The following MLIP variants were observed in gnomAD, a reference collection of about 807,000 sequenced individuals.
MLIP encodes the protein muscular LMNA-interacting protein.
MLIP carries 79 observed loss-of-function variants against 84.8 expected under a neutral mutation model. That is an observed-to-expected ratio of 0.93 (90% CI 0.78 to 1.12). The LOEUF (loss-of-function observed/expected upper bound fraction) is 1.12. MLIP is among the 50% of genes most tolerant of loss of function. The probability of loss-of-function intolerance (pLI) is 0.00; values close to 1 mark genes in which losing one functional copy is unlikely to be tolerated. For missense variants in MLIP, 1,257 were observed against 1,160.6 expected (o/e 1.08, Z -1.21); for synonymous variants, 504 against 463.0 (o/e 1.09, Z -1.14).
chr6:54,237,402 G>A (rs1373171051), intron 12 of MLIP, among the ~76,000 whole-genome samples: 2 of 152,216 alleles, frequency 1.3e-5, no homozygotes, highest in Middle Eastern at 3.4e-3. Flanking sequence ...GAAGTTCAGA[G>A]GATGGTTGCT....
intron 10 of MLIP, among the ~76,000 whole-genome samples, chr6:54,197,374 T>C (rs566181832): frequency 4.7e-4 from 72 of 152,196 alleles, no homozygotes; most frequent in Admixed American, 3.2e-3. Context: ...TGTCTTTTTT[T>C]TATCTCTATA....
chr6:54,127,373 T>A (rs1377462142), intron 3 of MLIP, among the ~76,000 whole-genome samples: 1 of 152,156 alleles, frequency 6.6e-6, no homozygotes. Context: ...GTGCCTTACA[T>A]ATAAAGGGGG....
In MLIP at chr6:54,068,284, C is replaced by T. The variant is rs1347629900; in HGVS notation, c.63+49193C>T. Among the ~76,000 whole-genome samples, 5 of 96,740 alleles carry T rather than the reference C, an allele frequency of 5.2e-5. 2 individuals are homozygous for T. Among genetic ancestry groups the T allele is most frequent in the Non-Finnish European group, 8.9e-5 (3 of 33,754 alleles). 63.5% of individuals were successfully genotyped at this position (96,740 alleles called of 152,430 possible). On this transcript the variant is annotated intron_variant, in intron 1 of 12. Coordinates refer to the MLIP transcript ENST00000274897. Reference sequence around the variant, plus strand: ...CCTGAGTAGCTGGGATTACAGGAACCGACCATCATGCCCAGCTAATTTTTG... The same window carrying T: ...CCTGAGTAGCTGGGATTACAGGAACTGACCATCATGCCCAGCTAATTTTTG...
intron 1 of MLIP, among the ~76,000 whole-genome samples, chr6:54,061,425 A>G (rs1219044622): frequency 6.6e-6 from 1 of 152,118 alleles, no homozygotes; most frequent in Admixed American, 6.5e-5. Flanking sequence ...TGCAAATAAA[A>G]CCATGGCTTA....
At chr6:54,215,471 A>T in intron 11 of MLIP, 1 of 1,082,440 alleles carries the variant, frequency 9.2e-7, no homozygotes, top group Non-Finnish European at 1.2e-6. Context: ...TTTCATCTTT[A>T]TTGCAGTATA....
intron 11 of MLIP, among the ~76,000 whole-genome samples, chr6:54,206,617 C>T (rs1387697016): frequency 6.6e-6 from 1 of 152,034 alleles, no homozygotes; most frequent in Admixed American, 6.6e-5. Flanking sequence ...ATTTCATTCC[C>T]GCTTTTCTTC....
chr6:54,218,230 T>C (rs186225404), intron 11 of MLIP: 1 of 154,938 alleles, frequency 6.5e-6, no homozygotes, highest in African/African-American at 2.4e-5. Context: ...GGGTATGTGG[T>C]ATAGGCTATT....
At chr6:54,061,048 T>C (rs1765936902) in intron 1 of MLIP, among the ~76,000 whole-genome samples, 1 of 151,962 alleles carries the variant, frequency 6.6e-6, no homozygotes, top group South Asian at 2.1e-4. Context: ...TAGTCATAGT[T>C]GATGTGGACA....
In MLIP at chr6:54,166,941, T is replaced by C. The variant is rs1459895878; in HGVS notation, c.2500-2587T>C. On this transcript the variant is annotated intron_variant, in intron 8 of 13. Transcript: ENST00000502396. ...CTGTTGGTAGAATTTCGCTCTTTCA[T>C]TTGCTCAAGGCCGAAAACTTTGGTG... Among the ~76,000 whole-genome samples the C allele has an allele frequency of 2.6e-5, 4 of 151,950 alleles. No individual in the cohort carries two copies. In the East Asian group the frequency reaches 7.8e-4, roughly 29 times the overall value.
intron 9 of MLIP, among the ~76,000 whole-genome samples, chr6:54,172,925 G>T (rs1408137001): frequency 6.6e-6 from 1 of 151,644 alleles, no homozygotes; most frequent in Non-Finnish European, 1.5e-5. Context: ...ATTTAATTGA[G>T]ATTCTTTTAA....
chr6:54,098,265 C>T (rs556086060), intron 1 of MLIP, among the ~76,000 whole-genome samples: 2 of 150,712 alleles, frequency 1.3e-5, no homozygotes, highest in South Asian at 2.1e-4. Flanking sequence ...AAGAGCTCCT[C>T]CACCTCCACC....
At chr6:54,251,730 A>T (rs1269845773) in intron 12 of MLIP, among the ~76,000 whole-genome samples, 7 of 104,636 alleles carry the variant, frequency 6.7e-5, no homozygotes, top group African/African-American at 3.0e-4. Flanking sequence ...ATAACATATG[A>T]TATAAATATA....
At chr6:54,233,687 T>C (rs1440150747) in intron 12 of MLIP, among the ~76,000 whole-genome samples, 1 of 152,226 alleles carries the variant, frequency 6.6e-6, no homozygotes, top group African/African-American at 2.4e-5. Flanking sequence ...TCTTTGGGTA[T>C]ATACCCAGTA....
At chr6:54,163,076 C>T (rs975773593) in intron 8 of MLIP, among the ~76,000 whole-genome samples, 1 of 151,914 alleles carries the variant, frequency 6.6e-6, no homozygotes, top group Non-Finnish European at 1.5e-5. Flanking sequence ...ATTTTGAAAC[C>T]ATATTGCTGG....
chr6:54,157,634 C>A (rs1417356568), intron 5 of MLIP, among the ~76,000 whole-genome samples: 1 of 152,022 alleles, frequency 6.6e-6, no homozygotes. Context: ...TTTATCTGTA[C>A]AGTGTCAACA....
At chr6:54,088,154 T>C (rs1258008900) in intron 1 of MLIP, among the ~76,000 whole-genome samples, 1 of 152,180 alleles carries the variant, frequency 6.6e-6, no homozygotes, top group Non-Finnish European at 1.5e-5. Context: ...TAAAATAGTT[T>C]GTCTTTTCTG....
At chr6:54,138,993 C>T (rs183291257) in intron 4 of MLIP, among the ~76,000 whole-genome samples, 1 of 152,266 alleles carries the variant, frequency 6.6e-6, no homozygotes, top group African/African-American at 2.4e-5. Context: ...GTTTCACTGT[C>T]ACTTTTCAGA....
At chr6:54,209,200 G>A (rs1779247708) in intron 11 of MLIP, among the ~76,000 whole-genome samples, 1 of 152,136 alleles carries the variant, frequency 6.6e-6, no homozygotes, top group Non-Finnish European at 1.5e-5. Context: ...CAAGTTTGAA[G>A]ATGAGTTACA....
At chr6:54,152,136 T>C (rs76265697) in intron 5 of MLIP, among the ~76,000 whole-genome samples, 9,160 of 152,216 alleles carry the variant, frequency 0.06, 485 homozygotes, top group East Asian at 0.24. Flanking sequence ...GTATGATTTT[T>C]ATTGTGTTGG....
Sources: gnomAD v4.1 joint callset for allele counts (sites outside exome capture counted in the v4.1 genomes callset) on GRCh38, gnomAD v4.1.1 for gene constraint, MANE v1.5 for transcripts, NCBI Gene and HGNC (gene_info 2026-07-23, HGNC 2026-07-21) for gene names.